The following INO80 variants were observed in gnomAD, a reference collection of about 807,000 sequenced individuals.
The protein encoded by INO80 is INO80 complex ATPase subunit, also known as chromatin-remodeling ATPase INO80.
INO80 carries 20 observed loss-of-function variants against 203.4 expected under a neutral mutation model. That is an observed-to-expected ratio of 0.10 (90% confidence interval 0.07 to 0.14). The LOEUF (loss-of-function observed/expected upper bound fraction) is 0.14. Among genes scored for constraint, INO80 ranks in the 10% least tolerant of loss-of-function variants. The pLI is 1.00. For synonymous variants in INO80, 726 were observed against 685.2 expected (o/e 1.06, Z -0.93); for missense variants, 1,419 against 1,914.4 (o/e 0.74, Z 4.83).
chr15:41,069,363 G>T (rs1018374660), intron 14 of INO80: 11 of 394,350 alleles, frequency 2.8e-5, no homozygotes, highest in African/African-American at 2.3e-4. Context: ...GTAGAGACGG[G>T]GTTTCACCAT....
intron 25 of INO80, among the ~76,000 whole-genome samples, chr15:41,027,376 G>A (rs552879804): frequency 1.3e-5 from 2 of 152,222 alleles, no homozygotes; most frequent in East Asian, 1.9e-4. Flanking sequence ...AGAAGCTATC[G>A]ACCATACAAC....
intron 29 of INO80, among the ~76,000 whole-genome samples, chr15:40,996,403 G>A (rs1448030472): frequency 6.6e-6 from 1 of 152,092 alleles, no homozygotes; most frequent in African/African-American, 2.4e-5. Context: ...GCTCACTGCA[G>A]CCTCTGCCTC....
At chr15:40,993,781 A>AAGAAAG (rs1482410834) in intron 29 of INO80, among the ~76,000 whole-genome samples, 16 of 150,870 alleles carry the variant, frequency 1.1e-4, no homozygotes, top group African/African-American at 3.9e-4. Flanking sequence ...AATAAATAAA[A>AAGAAAG]AGAAAAAGAA....
intron 6 of INO80, among the ~76,000 whole-genome samples, 177 bp from the exon 7 acceptor site, chr15:41,085,760 G>A (rs1278156829): frequency 2.0e-5 from 3 of 152,184 alleles, no homozygotes; most frequent in Non-Finnish European, 2.9e-5. Context: ...CAGAGAAGAA[G>A]AAACATACTG....
intron 29 of INO80, among the ~76,000 whole-genome samples, chr15:40,990,730 G>C (rs1252754613): frequency 6.6e-6 from 1 of 152,330 alleles, no homozygotes; most frequent in South Asian, 2.1e-4. Flanking sequence ...GAGGACATAA[G>C]AACTTCCAGA....
intron 15 of INO80, among the ~76,000 whole-genome samples, chr15:41,059,263 C>T (rs2045058131): frequency 6.6e-6 from 1 of 151,302 alleles, no homozygotes; most frequent in South Asian, 2.1e-4. Context: ...TGCCCGGCCA[C>T]TATAACTGTT....
intron 5 of INO80, among the ~76,000 whole-genome samples, chr15:41,090,812 C>T (rs1234135776): frequency 1.3e-5 from 2 of 150,706 alleles, no homozygotes; most frequent in Middle Eastern, 3.4e-3. Flanking sequence ...TGCTCCACTG[C>T]TACCTAAAGT....
At chr15:41,022,372 A>G (rs1331559131) in intron 25 of INO80, among the ~76,000 whole-genome samples, 1 of 152,180 alleles carries the variant, frequency 6.6e-6, no homozygotes, top group Non-Finnish European at 1.5e-5. Flanking sequence ...GTGTTGATCA[A>G]GCTTTAGGGA....
intron 32 of INO80, among the ~76,000 whole-genome samples, chr15:40,985,082 G>C (rs567312183): frequency 1.3e-5 from 2 of 152,244 alleles, no homozygotes; most frequent in African/African-American, 4.8e-5. Context: ...TCCACGCTTT[G>C]TAACAGCCCT....
At chr15:40,994,448 C>T (rs546530416) in intron 29 of INO80, among the ~76,000 whole-genome samples, 2 of 152,296 alleles carry the variant, frequency 1.3e-5, no homozygotes, top group Admixed American at 1.3e-4. Flanking sequence ...ACTGCAACCT[C>T]TGCCTCCCGG....
chr15:40,982,699 GGGGTGAGTCAACAGTGCTTATTACAA>G (rs1358485683), intron 35 of INO80, among the ~76,000 whole-genome samples, 137 bp downstream of exon 35: 2 of 152,214 alleles, frequency 1.3e-5, no homozygotes, highest in Non-Finnish European at 2.9e-5. Flanking sequence ...AGGAGGGCAA[GGGGTGAGTCAACAGTGCTTATTACAA>G]AGAAGAAGAA....
At chr15:40,987,301 TG>T (rs2043750668) in intron 30 of INO80, 108 bp from the exon 31 acceptor site, 1 of 622,726 alleles carries the variant, frequency 1.6e-6, no homozygotes, top group African/African-American at 1.8e-5. Context: ...GGGAGGCCTC[TG>T]GTTTCCTATT....
chr15:40,987,668 C>T (rs2043758589), intron 30 of INO80, 148 bp downstream of exon 30: 1 of 791,216 alleles, frequency 1.3e-6, no homozygotes, highest in Non-Finnish European at 2.0e-6. Flanking sequence ...TTGCATGGGA[C>T]CTGATTTTAT....
chr15:40,992,056 G>A lies in INO80; in HGVS notation c.3571-4082C>T, dbSNP rs192169786. ...TTCCCAAAGTGCTGGGATTACAGGC[G>A]TGAGCCACCGGGCCCTGCTGAAACA... On this transcript the variant is annotated intron_variant, in intron 29 of 35. Transcript: ENST00000648947. Among the ~76,000 whole-genome samples the A allele has an allele frequency of 1.3e-3, 200 of 152,330 alleles. 1 individual carries two copies. The highest frequency in any genetic ancestry group is 4.7e-3 in the African/African-American group (196 of 41,578).
intron 1 of INO80, among the ~76,000 whole-genome samples, chr15:41,100,151 T>C (rs565747159): frequency 2.0e-5 from 3 of 152,248 alleles, no homozygotes; most frequent in Admixed American, 1.3e-4. Context: ...CTCGGCTCAC[T>C]GCAAGCTCTG....
intron 7 of INO80, among the ~76,000 whole-genome samples, chr15:41,081,593 G>T (rs1264183654): frequency 6.6e-6 from 1 of 152,090 alleles, no homozygotes; most frequent in Non-Finnish European, 1.5e-5. Context: ...AAACTCCAAG[G>T]AAGACCTAAC....
intron 1 of INO80, among the ~76,000 whole-genome samples, chr15:41,096,858 A>AAGGTATC (rs2045732502): frequency 6.6e-6 from 1 of 152,222 alleles, no homozygotes; most frequent in African/African-American, 2.4e-5. Context: ...GAATAGATGT[A>AAGGTATC]TTGGCAGAGT....
At chr15:41,062,933 AGG>A (rs1200040022) in intron 14 of INO80, among the ~76,000 whole-genome samples, 1 of 152,210 alleles carries the variant, frequency 6.6e-6, no homozygotes, top group Non-Finnish European at 1.5e-5. Context: ...TAAGAGAGGG[AGG>A]GAGAGCAGTA....
intron 27 of INO80, chr15:41,011,700 C>T (rs1330823900): frequency 6.6e-6 from 1 of 152,026 alleles, no homozygotes; most frequent in East Asian, 1.9e-4. Context: ...TCAGAATACC[C>T]AGCTTCCCAG....
Sources: gnomAD v4.1 joint callset for allele counts (sites outside exome capture counted in the v4.1 genomes callset) on GRCh38, gnomAD v4.1.1 for gene constraint, MANE v1.5 for transcripts, NCBI Gene and HGNC (gene_info 2026-07-23, HGNC 2026-07-21) for gene names.